The following C7 variants were observed in gnomAD, a reference collection of about 807,000 sequenced individuals.
C7 encodes the protein complement C7.
A neutral mutation model predicts 104.8 loss-of-function variants in C7; 83 were observed. That is an observed-to-expected ratio of 0.79 (90% CI 0.66 to 0.95). The LOEUF is 0.95. Ranked by LOEUF, C7 falls within the 40% of genes least tolerant of loss-of-function variation. The pLI is 0.00. For missense variants in C7, 1,070 were observed against 1,011.2 expected, an observed-to-expected ratio of 1.06 and a Z score of -0.79; for synonymous variants, 415 against 360.6, an observed-to-expected ratio of 1.15 and a Z score of -1.71.
chr5:40,975,293 T>C (rs192875992), intron 15 of C7, among the ~76,000 whole-genome samples: 1 of 152,174 alleles, frequency 6.6e-6, no homozygotes, highest in African/African-American at 2.4e-5. Flanking sequence ...CACTAATGTC[T>C]CTTTTATGTT....
chr5:40,916,925 C>T (rs1739331524), intron 1 of C7, among the ~76,000 whole-genome samples: 1 of 151,578 alleles, frequency 6.6e-6, no homozygotes. Context: ...GAATATAATA[C>T]ATTGTTCTAG....
chr5:40,945,283 C>G lies in C7; in HGVS notation c.653C>G (p.Ser218Cys), dbSNP rs1412705418. Residue 218 changes from serine (S) to cysteine (C), a missense_variant, in exon 7 of 18, where the codon TCT becomes TGT. By Grantham distance (112) the Ser-to-Cys change is moderately radical. Transcript: ENST00000313164. ...CATACGTCGACAGAACACACATCAT[C>G]TAGTCGGAAGCGCTCCTTTTTTAGA... ...VKHTSTEHTS[S>C]SRKRSFFRSS... 2 of 1,603,604 alleles carry G rather than the reference C, an allele frequency of 1.2e-6. No individual in the cohort carries two copies. The highest frequency in any genetic ancestry group is 1.7e-5 in the Admixed American group (1 of 59,042).
intron 6 of C7, among the ~76,000 whole-genome samples, chr5:40,942,381 A>C (rs1739958754): frequency 6.6e-6 from 1 of 152,176 alleles, no homozygotes; most frequent in Non-Finnish European, 1.5e-5. Flanking sequence ...AGTCAGAGAG[A>C]ATGCAATACA....
At position 40,947,559 on chromosome 5, in the gene C7, A is replaced by G. The variant is rs777326646; in HGVS notation, c.739-43A>G. On this transcript the variant is annotated intron_variant, in intron 7 of 17. Coordinates refer to ENST00000313164, the MANE Select transcript of C7 (RefSeq NM_000587.4). The stretch of plus-strand genomic sequence containing the variant: ...AGAGAACTATTTCCATTGCCTTTTT[A>G]TCTTCCACCTAAAACTCCTTGTACT... The G allele has an allele frequency of 4.4e-6, 7 of 1,604,856 alleles. No homozygotes were observed. In the South Asian group the frequency reaches 4.5e-5, roughly 10 times the overall value.
intron 1 of C7, among the ~76,000 whole-genome samples, chr5:40,920,915 G>T (rs1457731948): frequency 6.6e-6 from 1 of 152,064 alleles, no homozygotes; most frequent in African/African-American, 2.4e-5. Flanking sequence ...TGGGCGTGGT[G>T]GTGCACGCCT....
intron 9 of C7, among the ~76,000 whole-genome samples, chr5:40,953,679 T>C (rs1005862521): frequency 1.5e-4 from 23 of 150,966 alleles, no homozygotes; most frequent in Non-Finnish European, 3.0e-4. Flanking sequence ...TAGTGTTTGA[T>C]AGCACAGTCA....
chr5:40,970,311 T>C (rs1001502026), intron 14 of C7, among the ~76,000 whole-genome samples: 25 of 152,192 alleles, frequency 1.6e-4, no homozygotes. Context: ...CAAAGTCCAT[T>C]AGGGATATTA....
chr5:40,911,019 C>A (rs545962102), intron 1 of C7: 1 of 151,990 alleles, frequency 6.6e-6, no homozygotes, highest in East Asian at 1.9e-4. Context: ...AATTAGTTGA[C>A]AAAATATCAA....
intron 12 of C7, among the ~76,000 whole-genome samples, chr5:40,960,248 T>C (rs907805786): frequency 7.9e-5 from 12 of 152,198 alleles, no homozygotes; most frequent in Non-Finnish European, 1.5e-4. Context: ...TGCCACACCC[T>C]ACTGTTTTAC....
chr5:40,914,467 A>G (rs2111608461), intron 1 of C7, among the ~76,000 whole-genome samples: 1 of 152,272 alleles, frequency 6.6e-6, no homozygotes, highest in African/African-American at 2.4e-5. Context: ...TTTAATTTTA[A>G]TTAAGTTCCA....
At chr5:40,975,628 T>C (rs1740802318) in intron 15 of C7, among the ~76,000 whole-genome samples, 2 of 152,152 alleles carry the variant, frequency 1.3e-5, no homozygotes, top group African/African-American at 4.8e-5. Context: ...CCTCCCAAAG[T>C]GCTGAGATTA....
intron 15 of C7, 40 bp downstream of exon 15, chr5:40,972,634 A>G (rs1444068546): frequency 3.3e-6 from 5 of 1,514,426 alleles, no homozygotes; most frequent in Non-Finnish European, 4.5e-6. Flanking sequence ...ACTTGTACCC[A>G]GGCAAGTGAG....
intron 17 of C7, among the ~76,000 whole-genome samples, chr5:40,980,714 A>T (rs1190746919): frequency 1.3e-5 from 2 of 151,780 alleles, no homozygotes; most frequent in Non-Finnish European, 2.9e-5. Flanking sequence ...TCGTCTCTTC[A>T]CTCTCTGCCC....
intron 9 of C7, among the ~76,000 whole-genome samples, chr5:40,953,141 C>A (rs1316938789): frequency 6.6e-6 from 1 of 151,894 alleles, no homozygotes; most frequent in Admixed American, 6.6e-5. Context: ...ACACAGCTAA[C>A]AATGAAGACG....
Position 40,945,249 on chromosome 5 carries a change from T to C in C7, c.619T>C (p.Tyr207His). Residue 207 changes from tyrosine to histidine, a missense_variant, in exon 7 of 18, where the codon TAT (tyrosine) becomes CAT (histidine). Coordinates refer to ENST00000313164, the MANE Select transcript of C7 (RefSeq NM_000587.4). ...NYEFYNSTWS[Y>H]VKHTSTEHTS... Reference sequence around the variant, plus strand: ...TGAATTTTACAATAGTACTTGGTCTTATGTAAAACATACGTCGACAGAACA... The same window carrying C: ...TGAATTTTACAATAGTACTTGGTCTCATGTAAAACATACGTCGACAGAACA... 1.3e-6 allele frequency: 2 copies of C among 1,565,358 alleles called. No homozygotes were observed. Among genetic ancestry groups the C allele is most frequent in the Non-Finnish European group, 1.7e-6 (2 of 1,151,140 alleles).
intron 14 of C7, among the ~76,000 whole-genome samples, chr5:40,965,649 T>TA (rs1554043911): frequency 8.3e-4 from 22 of 26,636 alleles, no homozygotes; most frequent in African/African-American, 5.2e-3. Context: ...TATATATATA[T>TA]TTTTTTTTTG....
intron 1 of C7, among the ~76,000 whole-genome samples, chr5:40,927,800 G>A (rs1374784701): frequency 2.0e-5 from 3 of 152,070 alleles, no homozygotes; most frequent in African/African-American, 7.2e-5. Context: ...AACAAGCATT[G>A]GTATGGATGT....
intron 1 of C7, among the ~76,000 whole-genome samples, chr5:40,927,708 C>A (rs991129261): frequency 6.6e-6 from 1 of 152,048 alleles, no homozygotes; most frequent in African/African-American, 2.4e-5. Flanking sequence ...CATTGCTAAT[C>A]ATTAGAGAAA....
chr5:40,934,530 C>T (rs1034122600), intron 4 of C7, 64 bp downstream of exon 4: 4 of 1,492,912 alleles, frequency 2.7e-6, no homozygotes, highest in Non-Finnish European at 3.7e-6. Context: ...GGTGAACTTG[C>T]TCGTTATATA....
Sources: gnomAD v4.1 joint callset for allele counts (sites outside exome capture counted in the v4.1 genomes callset) on GRCh38, gnomAD v4.1.1 for gene constraint, MANE v1.5 for transcripts, NCBI Gene and HGNC (gene_info 2026-07-23, HGNC 2026-07-21) for gene names.